PPT2: variants seen among roughly 807,000 people sequenced by gnomAD.
The protein encoded by PPT2 is palmitoyl-protein thioesterase 2, also known as lysosomal thioesterase PPT2.
A neutral mutation model predicts 37.3 loss-of-function variants in PPT2; 20 were observed. The observed-to-expected ratio is 0.54, with a 90% CI of 0.38 to 0.78. The LOEUF is 0.78. Among genes scored for constraint, PPT2 ranks in the 30% least tolerant of loss-of-function variants. The probability of loss-of-function intolerance (pLI) is 0.00; values close to 1 mark genes in which losing one functional copy is unlikely to be tolerated. For synonymous variants in PPT2, 135 were observed against 159.1 expected, an observed-to-expected ratio of 0.85 and a Z score of 1.14; for missense variants, 270 against 389.8, an observed-to-expected ratio of 0.69 and a Z score of 2.59.
chr6:32,153,662 G>A, upstream of PPT2: 1 of 1,595,902 alleles, frequency 6.3e-7, no homozygotes, highest in Non-Finnish European at 8.5e-7. The surrounding 1 kb of genome is among the most constrained non-coding windows in gnomAD (Gnocchi z 4.4). Flanking sequence ...GGGGCGGACT[G>A]GAGGGTGGGG....
Position 32,155,582 on chromosome 6 carries a change from C to CTGTGTG in PPT2, c.338-105_338-104insGTGTGT. The stretch of plus-strand genomic sequence containing the variant: ...GTGTACAGTGTGTGTCTGTGTGTGT[C>CTGTGTG]TCTGTGTGTGTGTGTGTGTGTGTGT... On this transcript the variant is annotated intron_variant, in intron 3 of 8. Coordinates refer to ENST00000324816, the MANE Select transcript of PPT2 (RefSeq NM_005155.7). This position sits in a 1 kb window ranked among gnomAD's most constrained non-coding sequence, Gnocchi z 4.3. The CTGTGTG allele has an allele frequency of 3.1e-6, 2 of 652,942 alleles. No individual in the cohort carries two copies. Among genetic ancestry groups the CTGTGTG allele is most frequent in the African/African-American group, 3.8e-5 (1 of 26,352 alleles). 40.4% of individuals were successfully genotyped at this position (652,942 alleles called of 1,614,324 possible). A position where few individuals can be genotyped will look rare whatever the true frequency, so the allele number is the denominator to read the frequency against.
In PPT2 at chr6:32,155,096, T is replaced by A; in HGVS notation, c.250T>A (p.Trp84Arg). 1 of 1,613,074 alleles carries A rather than the reference T, an allele frequency of 6.2e-7. No homozygotes were observed. The highest frequency in any genetic ancestry group is 8.5e-7 in the Non-Finnish European group (1 of 1,179,996). Reference sequence around the variant, plus strand: ...TGGGAGAGAGAGCTTGCGACCCCTGTGGGAACAGGTGCAAGGGTTCCGAGA... The same window carrying A: ...TGGGAGAGAGAGCTTGCGACCCCTGAGGGAACAGGTGCAAGGGTTCCGAGA... The part of the protein sequence containing the change: ...FDGRESLRPL[W>R]EQVQGFREAV... The change falls in exon 3 of 9, where the codon TGG (tryptophan) becomes AGG (arginine). Residue 84 changes from tryptophan to arginine, a missense_variant. Physicochemically the swap from Trp to Arg is moderately radical, Grantham distance 101. Coordinates refer to ENST00000324816, the MANE Select transcript of PPT2 (RefSeq NM_005155.7). The surrounding 1 kb of genome is among the most constrained non-coding windows in gnomAD (Gnocchi z 4.3).
chr6:32,160,805 T>C lies in PPT2; in HGVS notation c.711-1763T>C, dbSNP rs138555962. The stretch of plus-strand genomic sequence containing the variant: ...GGGTTTGAGACCAGCCTGGGCAACA[T>C]GGCAAAACCCTGTCTTTACCTAAAA... On this transcript the variant is annotated intron_variant, in intron 7 of 8. Coordinates refer to ENST00000324816, the MANE Select transcript of PPT2 (RefSeq NM_005155.7). 2.6e-3 allele frequency among the ~76,000 whole-genome samples: 400 copies of C among 152,170 alleles called. 2 individuals are homozygous for C. The highest frequency in any genetic ancestry group is 9.2e-3 in the African/African-American group (381 of 41,522).
chr6:32,158,134 C>T, intron 7 of PPT2: 1 of 511,566 alleles, frequency 2.0e-6, no homozygotes, highest in Non-Finnish European at 3.5e-6. Flanking sequence ...CTCTTCTCCT[C>T]TCCATCCCTA....
At chr6:32,158,873 C>T (rs930398846) in intron 7 of PPT2, among the ~76,000 whole-genome samples, 1 of 152,032 alleles carries the variant, frequency 6.6e-6, no homozygotes, top group Non-Finnish European at 1.5e-5. Flanking sequence ...ATGGCTAGTG[C>T]ACAAGGAGCT....
intron 7 of PPT2, 195 bp downstream of exon 7, chr6:32,158,119 G>A (rs1783916787): frequency 3.7e-6 from 2 of 543,820 alleles, no homozygotes; most frequent in Non-Finnish European, 6.5e-6. Context: ...ACTAAGTCCT[G>A]CTGACTCTTC....
upstream of PPT2, chr6:32,153,779 G>A: frequency 1.7e-6 from 2 of 1,145,860 alleles, no homozygotes; most frequent in Admixed American, 2.9e-5. The surrounding 1 kb of genome is among the most constrained non-coding windows in gnomAD (Gnocchi z 4.4). Context: ...TCCCTGGTCC[G>A]CCCCCTGGCC....
In PPT2 at chr6:32,154,740, C is replaced by G. The variant is rs1412433088; in HGVS notation, c.146C>G (p.Ser49Trp). The change falls in exon 2 of 9, where the codon TCG becomes TGG. Residue 49 changes from serine to tryptophan, a missense_variant. Ser to Trp is a radical substitution (Grantham distance 177). Transcript: ENST00000324816. This position sits in a 1 kb window ranked among gnomAD's most constrained non-coding sequence, Gnocchi z 7.3. ...GTGGTGCATGGGCTCTTCGACAGCT[C>G]GTACAGCTTCCGCCACCTGCTGGAA... ...VIVVHGLFDS[S>W]YSFRHLLEYI... 2.5e-6 allele frequency: 4 copies of G among 1,613,006 alleles called. No homozygotes were observed. The highest frequency in any genetic ancestry group is 3.4e-6 in the Non-Finnish European group (4 of 1,179,884).
At position 32,155,584 on chromosome 6, in the gene PPT2, CTGTGTGTGTGTGTG is replaced by C. The variant is rs28359849; in HGVS notation, c.338-83_338-70del. The C allele has an allele frequency of 2.7e-5, 19 of 698,632 alleles. No homozygotes were observed. Among genetic ancestry groups the C allele is most frequent in the African/African-American group, 4.4e-5 (2 of 45,974 alleles). 43.3% of individuals were successfully genotyped at this position (698,632 alleles called of 1,614,324 possible). A position where few individuals can be genotyped will look rare whatever the true frequency, so the allele number is the denominator to read the frequency against. On this transcript the variant is annotated intron_variant, in intron 3 of 8. Transcript: ENST00000324816. The surrounding 1 kb of genome is among the most constrained non-coding windows in gnomAD (Gnocchi z 4.3). The stretch of plus-strand genomic sequence containing the variant: ...GTACAGTGTGTGTCTGTGTGTGTCT[CTGTGTGTGTGTGTG>C]TGTGTGTGTGTGTGTGTGTGGTGGG...
chr6:32,154,091 C>A (rs908707642), upstream of PPT2: 6 of 1,088,548 alleles, frequency 5.5e-6, no homozygotes, highest in Admixed American at 9.4e-5. The surrounding 1 kb of genome is among the most constrained non-coding windows in gnomAD (Gnocchi z 7.3). Flanking sequence ...AAGCCCCGGA[C>A]GTGACGGATT....
In PPT2 at chr6:32,154,739, T is replaced by A; in HGVS notation, c.145T>A (p.Ser49Thr). The part of the protein sequence containing the change: ...VIVVHGLFDS[S>T]YSFRHLLEYI... Reference sequence around the variant, plus strand: ...CGTGGTGCATGGGCTCTTCGACAGCTCGTACAGCTTCCGCCACCTGCTGGA... The same window carrying A: ...CGTGGTGCATGGGCTCTTCGACAGCACGTACAGCTTCCGCCACCTGCTGGA... The change falls in exon 2 of 9, where the codon TCG (serine) becomes ACG (threonine). Residue 49 changes from serine (S) to threonine (T), a missense_variant. By Grantham distance (58) the Ser-to-Thr change is moderately conservative. Transcript: ENST00000324816. This position sits in a 1 kb window ranked among gnomAD's most constrained non-coding sequence, Gnocchi z 7.3. The A allele has an allele frequency of 6.2e-7, 1 of 1,613,022 alleles. No individual in the cohort carries two copies. The highest frequency in any genetic ancestry group is 8.5e-7 in the Non-Finnish European group (1 of 1,179,890).
chr6:32,157,967 C>T (rs371754398), intron 7 of PPT2, 43 bp downstream of exon 7: 4 of 1,514,058 alleles, frequency 2.6e-6, no homozygotes, highest in East Asian at 2.3e-5. Flanking sequence ...TAAAGACATC[C>T]CCCAACCCCA....
At chr6:32,159,231 C>A (rs1310796746) in intron 7 of PPT2, among the ~76,000 whole-genome samples, 2 of 151,642 alleles carry the variant, frequency 1.3e-5, no homozygotes, top group African/African-American at 4.8e-5. Context: ...GTCGGGAGTT[C>A]GAGACTAGCC....
intron 7 of PPT2, among the ~76,000 whole-genome samples, chr6:32,159,337 G>A (rs2127392960): frequency 6.7e-6 from 1 of 150,008 alleles, no homozygotes; most frequent in South Asian, 2.1e-4. Context: ...GGAGGCTGAG[G>A]CAGGAGAATC....
rs1006192879 is a variant in PPT2, at chr6:32,156,776, C to A, written c.541+798C>A. On this transcript the variant is annotated intron_variant, in intron 5 of 8. Transcript: ENST00000324816. The surrounding 1 kb of genome is among the most constrained non-coding windows in gnomAD (Gnocchi z 4.9). Reference sequence around the variant, plus strand: ...CATTCTGTTACTCAGTTTTCCTTATCTGTAAAATATTATAGCATGTACTTC... The same window carrying A: ...CATTCTGTTACTCAGTTTTCCTTATATGTAAAATATTATAGCATGTACTTC... Among the ~76,000 whole-genome samples the A allele has an allele frequency of 6.6e-6, 1 of 152,126 alleles. No individual in the cohort carries two copies. The highest frequency in any genetic ancestry group is 1.5e-5 in the Non-Finnish European group (1 of 68,022).
At position 32,156,130 on chromosome 6, in the gene PPT2, G is replaced by C. The variant is rs1257426567; in HGVS notation, c.541+152G>C. 4 of 658,546 alleles carry C rather than the reference G, an allele frequency of 6.1e-6. No homozygotes were observed. In the East Asian group the frequency reaches 1.1e-4, roughly 18 times the overall value. The allele number at this position is 658,546 out of a possible 1,614,324, so 40.8% of individuals were successfully genotyped here. A position where few individuals can be genotyped will look rare whatever the true frequency, so the allele number is the denominator to read the frequency against. On this transcript the variant is annotated intron_variant, in intron 5 of 8. Coordinates refer to ENST00000324816, the MANE Select transcript of PPT2 (RefSeq NM_005155.7). The surrounding 1 kb of genome is among the most constrained non-coding windows in gnomAD (Gnocchi z 4.9). ...TCAGAATTTTTTTTTTTTTTGAGACGGAGTCTTGTTCTGTTGCCCAGGCTG... is the reference window on the plus strand; with the variant it reads ...TCAGAATTTTTTTTTTTTTTGAGACCGAGTCTTGTTCTGTTGCCCAGGCTG...
Position 32,155,309 on chromosome 6 carries a change from C to T in PPT2, c.337+126C>T. On this transcript the variant is annotated intron_variant, in intron 3 of 8. Coordinates refer to ENST00000324816, the MANE Select transcript of PPT2 (RefSeq NM_005155.7). This position sits in a 1 kb window ranked among gnomAD's most constrained non-coding sequence, Gnocchi z 4.3. ...CAGGCACAACCCTGGTACCTGAGCC[C>T]TTCCTTTCTGACTTCCCTCAGCACC... 8.6e-7 allele frequency: 1 copy of T among 1,162,194 alleles called. No individual in the cohort carries two copies. Among genetic ancestry groups the T allele is most frequent in the Non-Finnish European group, 1.2e-6 (1 of 823,436 alleles). 72.0% of individuals were successfully genotyped at this position (1,162,194 alleles called of 1,614,324 possible). A position where few individuals can be genotyped will look rare whatever the true frequency, so the allele number is the denominator to read the frequency against.
At chr6:32,159,962 C>T (rs531531980) in intron 7 of PPT2, among the ~76,000 whole-genome samples, 116 of 151,342 alleles carry the variant, frequency 7.7e-4, no homozygotes, top group African/African-American at 2.6e-3. Flanking sequence ...CCTTGTGATC[C>T]GCCTGCTTCG....
At position 32,155,910 on chromosome 6, in the gene PPT2, G is replaced by A. The variant is rs754501053; in HGVS notation, c.473G>A (p.Arg158Gln). 5.6e-6 allele frequency: 9 copies of A among 1,613,838 alleles called. No individual in the cohort carries two copies. In the South Asian group the frequency reaches 8.8e-5, roughly 16 times the overall value. ...AAGTGGCTGTTCCCCACCTCCATGC[G>A]GTCTAACCTCTATCGGATCTGCTAT... ...YLKWLFPTSM[R>Q]SNLYRICYSP... is the part of the protein sequence containing the mutation. The change falls in exon 5 of 9, where the codon CGG becomes CAG. Residue 158 changes from arginine (R) to glutamine (Q), a missense_variant. By Grantham distance (43) the Arg-to-Gln change is conservative. Transcript: ENST00000324816. The surrounding 1 kb of genome is among the most constrained non-coding windows in gnomAD (Gnocchi z 4.3).
Sources: allele counts gnomAD v4.1 joint callset (sites outside exome capture counted in the v4.1 genomes callset), GRCh38; gene constraint gnomAD v4.1.1; non-coding constraint Gnocchi (gnomAD v3.1); transcripts MANE v1.5; gene names NCBI Gene and HGNC (gene_info 2026-07-23, HGNC 2026-07-21).